DAGLB: variants seen among roughly 807,000 people sequenced by gnomAD.
DAGLB encodes the protein diacylglycerol lipase beta.
Under a neutral mutation model 72.1 loss-of-function variants are expected in DAGLB, and 66 were observed. The ratio of observed to expected loss-of-function variants is 0.92; its 90% CI spans 0.75 to 1.12. The LOEUF is 1.12. Ranked by LOEUF, DAGLB falls within the 50% of genes most tolerant of loss-of-function variation. DAGLB has a pLI of 0.00. For synonymous variants in DAGLB, 414 were observed against 359.5 expected (o/e 1.15, Z -1.71); for missense variants, 1,065 against 884.9 (o/e 1.20, Z -2.58).
intron 6 of DAGLB, 71 bp from the exon 7 acceptor site, chr7:6,426,185 A>G (rs1583291184): frequency 1.3e-6 from 2 of 1,596,908 alleles, no homozygotes; most frequent in Admixed American, 1.7e-5. Flanking sequence ...CCTCACTGCC[A>G]CATGTTCCCA....
At position 6,436,551 on chromosome 7, in the gene DAGLB, T is replaced by A. The variant is rs1784665296; in HGVS notation, c.248-18A>T. The stretch of plus-strand genomic sequence containing the variant: ...AATCGTTCCTGAAATACAAAAAACG[T>A]TCCGACTGCTCAGTTGCTTCCTCAG... On this transcript the variant is annotated intron_variant, in intron 2 of 14. Transcript: ENST00000297056. 8 of 1,613,758 alleles carry A rather than the reference T, an allele frequency of 5.0e-6. No individual in the cohort carries two copies. The highest frequency in any genetic ancestry group is 1.3e-5 in the African/African-American group (1 of 75,030).
chr7:6,409,710 G>T lies in DAGLB; in HGVS notation c.*127C>A. ...TAAGTCATTGAGACCATGGAATTCT[G>T]TTCCCATCCGATTCCTGTTGATGGA... On this transcript the variant is annotated 3_prime_UTR_variant, in exon 15 of 15. Coordinates refer to ENST00000297056, the MANE Select transcript of DAGLB (RefSeq NM_139179.4). The T allele has an allele frequency of 9.2e-7, 1 of 1,089,976 alleles. No individual in the cohort carries two copies. Among genetic ancestry groups the T allele is most frequent in the Non-Finnish European group, 1.3e-6 (1 of 769,950 alleles). The allele number at this position is 1,089,976 out of a possible 1,614,324, so 67.5% of individuals were successfully genotyped here.
intron 5 of DAGLB, among the ~76,000 whole-genome samples, chr7:6,432,219 G>C (rs187550551): frequency 6.6e-6 from 1 of 152,110 alleles, no homozygotes; most frequent in Non-Finnish European, 1.5e-5. Flanking sequence ...GAGTGTGATG[G>C]TATGCGCCTG....
chr7:6,433,453 T>G (rs1370981751), intron 4 of DAGLB, among the ~76,000 whole-genome samples: 1 of 151,834 alleles, frequency 6.6e-6, no homozygotes, highest in Non-Finnish European at 1.5e-5. Flanking sequence ...CAACAGAGAG[T>G]GAGTCTTCTT....
intron 3 of DAGLB, chr7:6,435,419 G>C (rs527581258): frequency 2.4e-4 from 41 of 171,964 alleles, no homozygotes; most frequent in African/African-American, 9.7e-4. Context: ...CAGAGAGTCG[G>C]AGATTGCAGT....
chr7:6,415,382 C>T (rs967063684), intron 11 of DAGLB, among the ~76,000 whole-genome samples: 3 of 151,778 alleles, frequency 2.0e-5, no homozygotes, highest in Admixed American at 6.6e-5. Context: ...TTGTTCTTTA[C>T]GTACATACTT....
chr7:6,413,326 G>C (rs768508209), intron 11 of DAGLB, among the ~76,000 whole-genome samples: 2 of 152,178 alleles, frequency 1.3e-5, no homozygotes, highest in African/African-American at 4.8e-5. Flanking sequence ...GCGCTTGGAA[G>C]ACTCCATCAA....
chr7:6,434,365 A>G (rs1784586311), intron 4 of DAGLB, among the ~76,000 whole-genome samples: 1 of 152,148 alleles, frequency 6.6e-6, no homozygotes, highest in Admixed American at 6.6e-5. Flanking sequence ...CCATCATGAT[A>G]CAAAGTGGTA....
At chr7:6,411,961 T>C (rs1251130724) in intron 13 of DAGLB, among the ~76,000 whole-genome samples, 2 of 108,320 alleles carry the variant, frequency 1.8e-5, no homozygotes, top group African/African-American at 1.0e-4. Context: ...CCTCACTCTA[T>C]CCAACAGGCT....
At chr7:6,447,504 C>T (rs555328364) in intron 1 of DAGLB, among the ~76,000 whole-genome samples, 211 of 152,320 alleles carry the variant, frequency 1.4e-3, no homozygotes, top group African/African-American at 5.0e-3. Context: ...GACTTCGAAA[C>T]CCCCTGTTTG....
chr7:6,444,594 T>A (rs1458626998), intron 2 of DAGLB, among the ~76,000 whole-genome samples: 1 of 151,854 alleles, frequency 6.6e-6, no homozygotes, highest in Non-Finnish European at 1.5e-5. Context: ...GGAGGGAGAC[T>A]CTATCTCAAA....
intron 1 of DAGLB, among the ~76,000 whole-genome samples, 189 bp from the exon 2 acceptor site, chr7:6,446,293 CCT>C (rs1342009784): frequency 7.2e-6 from 1 of 138,038 alleles, no homozygotes; most frequent in African/African-American, 2.8e-5. Context: ...ATGGTGAAAC[CCT>C]GTCTCTACGA....
At position 6,434,991 on chromosome 7, in the gene DAGLB, G is replaced by C; in HGVS notation, c.449C>G (p.Ser150Cys). The change falls in exon 4 of 15, where the codon TCC becomes TGC. Residue 150 changes from serine (S) to cysteine (C), a missense_variant. Ser to Cys is a moderately radical substitution (Grantham distance 112, BLOSUM62 -1). Transcript: ENST00000297056. ...AAGAGGGTCAAAGACAATGATAATG[G>C]AAACCACTGTGGCAGCGATGATGAT... ...SWIIIAATVVSIIIVFDPLGG... is the reference protein window; with the variant it reads ...SWIIIAATVVCIIIVFDPLGG... 1 of 1,613,906 alleles carries C rather than the reference G, an allele frequency of 6.2e-7. No homozygotes were observed. Among genetic ancestry groups the C allele is most frequent in the Non-Finnish European group, 8.5e-7 (1 of 1,180,032 alleles).
chr7:6,432,746 G>A (rs1033309844), intron 5 of DAGLB, 91 bp downstream of exon 5: 2 of 1,438,776 alleles, frequency 1.4e-6, no homozygotes, highest in African/African-American at 2.9e-5. Context: ...AGGAAGGGAG[G>A]AAGAAATTGC....
rs143624783 is a variant in DAGLB, at chr7:6,412,882, G to A, written c.1498C>T (p.Leu500Phe). Residue 500 changes from leucine (L) to phenylalanine (F), a missense_variant and splice_region_variant, in exon 13 of 15, where the codon CTC (leucine) becomes TTC (phenylalanine). Physicochemically the swap from Leu to Phe is conservative, Grantham distance 22. Coordinates refer to ENST00000297056, the MANE Select transcript of DAGLB (RefSeq NM_139179.4). The stretch of plus-strand genomic sequence containing the variant: ...AGATCTTCCAAGTTGGTCACACTGA[G>A]CCTGTTTAGCAAAGGGGCACACTGA... ...LVLGKDVIPR[L>F]SVTNLEDLKR... 60 of 1,609,644 alleles carry A rather than the reference G, an allele frequency of 3.7e-5. No homozygotes were observed. The highest frequency in any genetic ancestry group is 5.0e-5 in the Non-Finnish European group (59 of 1,177,822).
In DAGLB at chr7:6,410,286, A is replaced by G; in HGVS notation, c.1664T>C (p.Leu555Pro). 6.2e-7 allele frequency: 1 copy of G among 1,613,906 alleles called. No homozygotes were observed. Among genetic ancestry groups the G allele is most frequent in the South Asian group, 1.1e-5 (1 of 90,988 alleles). ...TELDGGDQEV[L>P]TQPLLGEQSL... Reference sequence around the variant, plus strand: ...CTGCTCCCCCAGAAGAGGCTGTGTCAGGACTTCCTGGTCGCCCCCGTCCAG... The same window carrying G: ...CTGCTCCCCCAGAAGAGGCTGTGTCGGGACTTCCTGGTCGCCCCCGTCCAG... The change falls in exon 14 of 15, where the codon CTG becomes CCG. Residue 555 changes from leucine (L) to proline (P), a missense_variant. By Grantham distance (98) the Leu-to-Pro change is moderately conservative. Transcript: ENST00000297056.
In DAGLB at chr7:6,426,028, A is replaced by C. The variant is rs559697759; in HGVS notation, c.1016T>G (p.Leu339Arg). The stretch of plus-strand genomic sequence containing the variant: ...GACGTGGATGAAGTCCCTGTACTGC[A>C]GCCCTGTGGTGTGCAGGATGGAGCC... ...HFGSILHTTG[L>R]QYRDFIHVSF... The change falls in exon 7 of 15, where the codon CTG (leucine) becomes CGG (arginine). Residue 339 changes from leucine to arginine, a missense_variant. Coordinates refer to ENST00000297056, the MANE Select transcript of DAGLB (RefSeq NM_139179.4). 6.2e-7 allele frequency: 1 copy of C among 1,614,160 alleles called. No individual in the cohort carries two copies. The highest frequency in any genetic ancestry group is 1.1e-5 in the South Asian group (1 of 91,088).
chr7:6,441,969 C>T (rs773777045), intron 2 of DAGLB, among the ~76,000 whole-genome samples: 2 of 152,002 alleles, frequency 1.3e-5, no homozygotes, highest in African/African-American at 4.8e-5. Context: ...TCTCCCAGCT[C>T]TCCCCTGCCC....
Position 6,421,329 on chromosome 7 carries a change from G to C in DAGLB, c.1218+398C>G. The stretch of plus-strand genomic sequence containing the variant: ...GAATCAGGCAGCGCGGGAGGCGCAG[G>C]CAGCGCGGGAGGCGCAGGCAGCGCG... On this transcript the variant is annotated intron_variant, in intron 9 of 14. Transcript: ENST00000297056. Among the ~76,000 whole-genome samples, 2 of 134,934 alleles carry C rather than the reference G, an allele frequency of 1.5e-5. 1 individual carries two copies. Among genetic ancestry groups the C allele is most frequent in the African/African-American group, 5.8e-5 (2 of 34,322 alleles). 88.5% of individuals were successfully genotyped at this position (134,934 alleles called of 152,430 possible). A position where few individuals can be genotyped will look rare whatever the true frequency, so the allele number is the denominator to read the frequency against.
Sources: gnomAD v4.1 joint callset for allele counts (sites outside exome capture counted in the v4.1 genomes callset) on GRCh38, gnomAD v4.1.1 for gene constraint, MANE v1.5 for transcripts, NCBI Gene and HGNC (gene_info 2026-07-23, HGNC 2026-07-21) for gene names.